NEGR1: variants seen among roughly 807,000 people sequenced by gnomAD.
The protein encoded by NEGR1 is IgLON family member 4.
Under a neutral mutation model 40.9 loss-of-function variants are expected in NEGR1, and 10 were observed. The ratio of observed to expected loss-of-function variants is 0.24; its 90% CI spans 0.15 to 0.42. The LOEUF is 0.42. Ranked by LOEUF, NEGR1 falls within the 10% of genes least tolerant of loss-of-function variation. The pLI is 1.00. For synonymous variants in NEGR1, 185 were observed against 166.8 expected, an observed-to-expected ratio of 1.11 and a Z score of -0.84; for missense variants, 352 against 438.9, an observed-to-expected ratio of 0.80 and a Z score of 1.77.
chr1:72,275,132 G>A (rs1428346936), intron 1 of NEGR1: 26 of 757,840 alleles, frequency 3.4e-5, no homozygotes, highest in East Asian at 7.4e-5. Flanking sequence ...TTTATTTCCC[G>A]CACGTACGAT....
At chr1:71,961,344 G>T (rs1377503178) in intron 1 of NEGR1, among the ~76,000 whole-genome samples, 1 of 152,128 alleles carries the variant, frequency 6.6e-6, no homozygotes, top group Non-Finnish European at 1.5e-5. Flanking sequence ...TGCAAGCAGG[G>T]CTGCAAAGTA....
At chr1:71,903,418 T>C (rs999347443) in intron 2 of NEGR1, among the ~76,000 whole-genome samples, 2 of 152,020 alleles carry the variant, frequency 1.3e-5, no homozygotes, top group African/African-American at 4.8e-5. Context: ...TCTATAAATA[T>C]TAACCAAAGT....
chr1:71,936,921 T>A (rs1450507604), intron 1 of NEGR1, among the ~76,000 whole-genome samples: 1 of 152,198 alleles, frequency 6.6e-6, no homozygotes, highest in Non-Finnish European at 1.5e-5. Flanking sequence ...TGTTACAAAT[T>A]AAAGACTGGT....
At chr1:71,909,822 T>C (rs954753995) in intron 2 of NEGR1, among the ~76,000 whole-genome samples, 1 of 152,176 alleles carries the variant, frequency 6.6e-6, no homozygotes, top group Non-Finnish European at 1.5e-5. Flanking sequence ...GAGGAGATGT[T>C]TGAAAGATTT....
chr1:71,464,433 TAA>T (rs1425063022), intron 6 of NEGR1, among the ~76,000 whole-genome samples: 3 of 151,974 alleles, frequency 2.0e-5, no homozygotes, highest in African/African-American at 2.4e-5. Flanking sequence ...ATGAGAAAGA[TAA>T]AGAGAAGCAA....
intron 1 of NEGR1, among the ~76,000 whole-genome samples, chr1:72,090,387 T>G (rs1199812347): frequency 2.0e-5 from 3 of 148,116 alleles, no homozygotes; most frequent in African/African-American, 7.4e-5. Flanking sequence ...AAAAAAGAGC[T>G]CCCACTATAG....
At chr1:71,816,104 T>C (rs780207503) in intron 2 of NEGR1, among the ~76,000 whole-genome samples, 15 of 152,076 alleles carry the variant, frequency 9.9e-5, no homozygotes, top group Non-Finnish European at 2.2e-4. Flanking sequence ...GAAGATGCAG[T>C]AAAATTTAAG....
chr1:71,866,221 C>G (rs969228231), intron 2 of NEGR1, among the ~76,000 whole-genome samples: 3 of 152,052 alleles, frequency 2.0e-5, no homozygotes, highest in Non-Finnish European at 2.9e-5. Flanking sequence ...TTAAAAATCT[C>G]TAATTGAATA....
chr1:71,982,792 G>T (rs1481269707), intron 1 of NEGR1, among the ~76,000 whole-genome samples: 1 of 152,066 alleles, frequency 6.6e-6, no homozygotes, highest in Non-Finnish European at 1.5e-5. Context: ...AATTTAGGAA[G>T]ATATCAACAA....
intron 6 of NEGR1, among the ~76,000 whole-genome samples, chr1:71,447,241 T>C (rs1246664036): frequency 6.6e-6 from 1 of 152,118 alleles, no homozygotes. Flanking sequence ...CTTCGCCAAG[T>C]CCTTGGAAAA....
chr1:71,767,158 G>A (rs546970580), intron 3 of NEGR1, among the ~76,000 whole-genome samples: 2 of 152,286 alleles, frequency 1.3e-5, no homozygotes, highest in South Asian at 4.1e-4. Flanking sequence ...CTTTGGAACT[G>A]GGTAAGGGGA....
chr1:71,944,693 C>A (rs1452762341), intron 1 of NEGR1, among the ~76,000 whole-genome samples: 1 of 152,130 alleles, frequency 6.6e-6, no homozygotes, highest in Non-Finnish European at 1.5e-5. Flanking sequence ...ATTCTGTTCC[C>A]CACCTTCCCA....
intron 1 of NEGR1, among the ~76,000 whole-genome samples, chr1:72,185,392 A>G (rs1652575430): frequency 6.6e-6 from 1 of 151,824 alleles, no homozygotes; most frequent in South Asian, 2.1e-4. Flanking sequence ...CAAGAGCTGA[A>G]CTCTCCAAAC....
chr1:72,065,960 T>G (rs1330647379), intron 1 of NEGR1, among the ~76,000 whole-genome samples: 1 of 151,534 alleles, frequency 6.6e-6, no homozygotes, highest in Non-Finnish European at 1.5e-5. Flanking sequence ...GAGAAAAGAG[T>G]CCATACATTT....
intron 1 of NEGR1, among the ~76,000 whole-genome samples, chr1:72,107,937 T>C (rs747475905): frequency 5.9e-5 from 9 of 151,640 alleles, no homozygotes; most frequent in Non-Finnish European, 1.2e-4. Flanking sequence ...GGCTAAGCCT[T>C]TATTCTATTC....
chr1:71,606,465 G>C (rs1650079134), intron 5 of NEGR1, among the ~76,000 whole-genome samples: 1 of 152,204 alleles, frequency 6.6e-6, no homozygotes, highest in African/African-American at 2.4e-5. Flanking sequence ...CACAGAGGCT[G>C]CTTGAGATAG....
intron 6 of NEGR1, among the ~76,000 whole-genome samples, chr1:71,500,848 TTAAA>T (rs2101400357): frequency 6.6e-6 from 1 of 152,218 alleles, no homozygotes; most frequent in South Asian, 2.1e-4. Flanking sequence ...TGCATGTTCT[TTAAA>T]TAGTTGTTAT....
intron 1 of NEGR1, among the ~76,000 whole-genome samples, chr1:72,255,875 A>C (rs1477565680): frequency 6.6e-6 from 1 of 152,152 alleles, no homozygotes; most frequent in East Asian, 1.9e-4. Context: ...AAACCACTAA[A>C]GCTTACATGG....
At chr1:71,636,291 G>A (rs375997741) in intron 4 of NEGR1, among the ~76,000 whole-genome samples, 7 of 151,944 alleles carry the variant, frequency 4.6e-5, no homozygotes, top group African/African-American at 1.7e-4. Context: ...CTAGTTCCAG[G>A]GAAATTAATA....
Sources: gnomAD v4.1 joint callset for allele counts (sites outside exome capture counted in the v4.1 genomes callset) on GRCh38, gnomAD v4.1.1 for gene constraint, MANE v1.5 for transcripts, NCBI Gene and HGNC (gene_info 2026-07-23, HGNC 2026-07-21) for gene names.